Variants in MGLL observed in about 807,000 individuals in gnomAD.
MGLL encodes lysophospholipase homolog.
A neutral mutation model predicts 29.1 loss-of-function variants in MGLL; 7 were observed. The ratio of observed to expected loss-of-function variants is 0.24; its 90% CI spans 0.14 to 0.45. The LOEUF is 0.45. Among genes scored for constraint, MGLL ranks in the 20% least tolerant of loss-of-function variants. The pLI, the probability that MGLL is intolerant of heterozygous loss-of-function variation, is 0.99. For synonymous variants in MGLL, 148 were observed against 168.3 expected (o/e 0.88, Z 0.93); for missense variants, 356 against 413.6 (o/e 0.86, Z 1.21).
In MGLL at chr3:127,690,783, T is replaced by C. The variant is rs2075228248; in HGVS notation, c.*1415A>G. Reference sequence around the variant, plus strand: ...CGAGGCGGGTGGTGAACCCCACTTATTGCTGGGAAAAAGTGAGGCCAAGGG... The same window carrying C: ...CGAGGCGGGTGGTGAACCCCACTTACTGCTGGGAAAAAGTGAGGCCAAGGG... On this transcript the variant is annotated 3_prime_UTR_variant, in exon 8 of 8. Transcript: ENST00000265052. 6.5e-6 allele frequency: 1 copy of C among 152,836 alleles called. No individual in the cohort carries two copies. The highest frequency in any genetic ancestry group is 1.5e-5 in the Non-Finnish European group (1 of 68,130). The allele number at this position is 152,836 out of a possible 1,614,324, so 9.5% of individuals were successfully genotyped here. A position where few individuals can be genotyped will look rare whatever the true frequency, so the allele number is the denominator to read the frequency against.
intron 3 of MGLL, among the ~76,000 whole-genome samples, chr3:127,769,630 C>A (rs1485313078): frequency 6.6e-6 from 1 of 152,220 alleles, no homozygotes; most frequent in Non-Finnish European, 1.5e-5. Flanking sequence ...CCCTGAGCTG[C>A]CAGCCCGGGT....
At position 127,813,721 on chromosome 3, in the gene MGLL, C is replaced by T. The variant is rs75358261; in HGVS notation, c.155+7973G>A. Among the ~76,000 whole-genome samples the T allele has an allele frequency of 9.8e-3, 1,485 of 152,190 alleles. 24 individuals carry two copies. Among genetic ancestry groups the T allele is most frequent in the African/African-American group, 0.034 (1,411 of 41,522 alleles). On this transcript the variant is annotated intron_variant, in intron 2 of 7. Coordinates refer to ENST00000265052, the MANE Select transcript of MGLL (RefSeq NM_007283.7). ...AATGATGAGGGTGACACAGGACTCC[C>T]GGGTCATTGACCCCCATTTTGAGAG...
chr3:127,728,506 G>A (rs999671725), intron 3 of MGLL, among the ~76,000 whole-genome samples: 8 of 152,052 alleles, frequency 5.3e-5, no homozygotes, highest in Admixed American at 1.3e-4. Flanking sequence ...TTTTCCTCAC[G>A]TTTAACATAT....
At chr3:127,747,051 G>A (rs112735440) in intron 3 of MGLL, among the ~76,000 whole-genome samples, 1,582 of 152,306 alleles carry the variant, frequency 0.01, 10 homozygotes, top group Middle Eastern at 0.024. Context: ...CTGCCTTTGT[G>A]TGTCCCTGTC....
At chr3:127,786,030 A>C (rs2077206588) in intron 2 of MGLL, among the ~76,000 whole-genome samples, 1 of 152,220 alleles carries the variant, frequency 6.6e-6, no homozygotes, top group African/African-American at 2.4e-5. Context: ...CTCCAGGCGC[A>C]GAAGGAAGGC....
At chr3:127,731,333 TTTATTATTATTA>T (rs140919604) in intron 3 of MGLL, among the ~76,000 whole-genome samples, 16,721 of 145,382 alleles carry the variant, frequency 0.12, 1,119 homozygotes, top group African/African-American at 0.18. Flanking sequence ...CTTGGTGGCT[TTTATTATTATTA>T]TTATTATTAT....
chr3:127,733,493 G>A (rs919642073), intron 3 of MGLL, among the ~76,000 whole-genome samples: 1 of 152,094 alleles, frequency 6.6e-6, no homozygotes, highest in African/African-American at 2.4e-5. Flanking sequence ...TCTGGATCAG[G>A]ACCCCTTTCT....
chr3:127,800,229 A>C lies in MGLL; in HGVS notation c.156-18334T>G, dbSNP rs1305940220. 2.6e-5 allele frequency among the ~76,000 whole-genome samples: 4 copies of C among 152,210 alleles called. No individual in the cohort carries two copies. In the East Asian group the frequency reaches 7.7e-4, roughly 29 times the overall value. Reference sequence around the variant, plus strand: ...GTCCCTGAATGGCCATGTGGAGCCCAGTGACCCTACCAACTTGGACTGCTC... The same window carrying C: ...GTCCCTGAATGGCCATGTGGAGCCCCGTGACCCTACCAACTTGGACTGCTC... On this transcript the variant is annotated intron_variant, in intron 2 of 7. Transcript: ENST00000265052.
At chr3:127,795,857 TC>T (rs1326542043) in intron 2 of MGLL, among the ~76,000 whole-genome samples, 1 of 152,128 alleles carries the variant, frequency 6.6e-6, no homozygotes, top group Non-Finnish European at 1.5e-5. Flanking sequence ...AAAAGCAAAA[TC>T]CATCCACAAT....
At chr3:127,811,916 C>T (rs2077669583) in intron 2 of MGLL, among the ~76,000 whole-genome samples, 1 of 152,230 alleles carries the variant, frequency 6.6e-6, no homozygotes, top group South Asian at 2.1e-4. Flanking sequence ...AACAGAAGAC[C>T]CATCCAGCTG....
At chr3:127,702,724 C>T (rs1217522650) in intron 6 of MGLL, among the ~76,000 whole-genome samples, 1 of 152,170 alleles carries the variant, frequency 6.6e-6, no homozygotes, top group Non-Finnish European at 1.5e-5. Flanking sequence ...GATGGAGTCT[C>T]GCTCTTGTCG....
At chr3:127,791,828 T>C (rs577381074) in intron 2 of MGLL, among the ~76,000 whole-genome samples, 8 of 152,314 alleles carry the variant, frequency 5.3e-5, no homozygotes, top group Admixed American at 2.6e-4. Flanking sequence ...CCCAGCACTT[T>C]GGGAGGCCGA....
At chr3:127,818,152 G>C (rs1235388753) in intron 2 of MGLL, among the ~76,000 whole-genome samples, 2 of 152,112 alleles carry the variant, frequency 1.3e-5, no homozygotes. Flanking sequence ...AGTAGAGAGG[G>C]AGTTTCACCA....
intron 3 of MGLL, among the ~76,000 whole-genome samples, chr3:127,738,788 C>G (rs1217172560): frequency 1.3e-5 from 2 of 152,214 alleles, no homozygotes; most frequent in Non-Finnish European, 2.9e-5. Context: ...TGCCAACTGA[C>G]AGTGTGACTG....
At chr3:127,815,589 C>T (rs1026718149) in intron 2 of MGLL, among the ~76,000 whole-genome samples, 13 of 152,228 alleles carry the variant, frequency 8.5e-5, no homozygotes, top group African/African-American at 3.1e-4. Flanking sequence ...GGGGCCCCTA[C>T]ACCCACCCTT....
At chr3:127,752,759 G>A (rs1054829401) in intron 3 of MGLL, among the ~76,000 whole-genome samples, 3 of 152,072 alleles carry the variant, frequency 2.0e-5, no homozygotes, top group South Asian at 2.1e-4. Flanking sequence ...CTGCAAAACC[G>A]GCTGAGCTTC....
chr3:127,822,177 A>G (rs573449071), intron 1 of MGLL, 132 bp downstream of exon 1: 3 of 1,029,356 alleles, frequency 2.9e-6, no homozygotes, highest in Non-Finnish European at 4.5e-6. Flanking sequence ...CTCTATGGGT[A>G]CAAAGACCCA....
At chr3:127,758,069 C>T (rs950208223) in intron 3 of MGLL, among the ~76,000 whole-genome samples, 3 of 152,220 alleles carry the variant, frequency 2.0e-5, no homozygotes, top group Non-Finnish European at 4.4e-5. Context: ...TCTCACCTCA[C>T]CTCCTGTCTC....
At chr3:127,735,666 T>A in intron 3 of MGLL, 1 of 1,576,528 alleles carries the variant, frequency 6.3e-7, no homozygotes, top group Non-Finnish European at 8.6e-7. Flanking sequence ...TGTCTACTCA[T>A]CAAGTTGTTG....
Sources: gnomAD v4.1 joint callset for allele counts (sites outside exome capture counted in the v4.1 genomes callset) on GRCh38, gnomAD v4.1.1 for gene constraint, MANE v1.5 for transcripts, NCBI Gene and HGNC (gene_info 2026-07-23, HGNC 2026-07-21) for gene names.